The following DOCK2 variants were observed in gnomAD, a reference collection of about 807,000 sequenced individuals.
DOCK2 encodes dedicator of cytokinesis 2.
DOCK2 carries 87 observed loss-of-function variants against 248.9 expected under a neutral mutation model. That is an observed-to-expected ratio of 0.35 (90% CI 0.29 to 0.42). The LOEUF (loss-of-function observed/expected upper bound fraction) is 0.42, where lower values mean the gene tolerates loss of function less well. DOCK2 is among the 10% of genes least tolerant of loss of function. DOCK2 has a pLI of 1.00. For synonymous variants in DOCK2, 805 were observed against 821.6 expected (o/e 0.98, Z 0.35); for missense variants, 1,747 against 2,300.2 (o/e 0.76, Z 4.92).
At chr5:169,897,119 CT>C (rs1401725955) in intron 27 of DOCK2, among the ~76,000 whole-genome samples, 1 of 152,128 alleles carries the variant, frequency 6.6e-6, no homozygotes, top group African/African-American at 2.4e-5. Flanking sequence ...AAATTTTAGG[CT>C]TTCTCTATGA....
At chr5:169,859,324 T>A (rs1771052681) in intron 27 of DOCK2, among the ~76,000 whole-genome samples, 2 of 152,108 alleles carry the variant, frequency 1.3e-5, no homozygotes, top group South Asian at 4.1e-4. Context: ...GGCTGTAAAT[T>A]GGTGAAAAGA....
At chr5:169,827,669 G>A (rs759885858) in intron 26 of DOCK2, among the ~76,000 whole-genome samples, 14 of 152,094 alleles carry the variant, frequency 9.2e-5, no homozygotes, top group South Asian at 2.1e-4. Context: ...ATCGGAATTC[G>A]GAATAAATCA....
At chr5:169,738,695 C>T (rs1390434209) in intron 22 of DOCK2, among the ~76,000 whole-genome samples, 1 of 152,146 alleles carries the variant, frequency 6.6e-6, no homozygotes, top group Non-Finnish European at 1.5e-5. Context: ...CGTGTTATTG[C>T]TGAACGTAAG....
In DOCK2 at chr5:169,754,248, C is replaced by T. The variant is rs147659821; in HGVS notation, c.2377-5457C>T. Among the ~76,000 whole-genome samples, 305 of 152,262 alleles carry T rather than the reference C, an allele frequency of 2.0e-3. 1 individual carries two copies. The highest frequency in any genetic ancestry group is 6.9e-3 in the African/African-American group (288 of 41,556). On this transcript the variant is annotated intron_variant, in intron 23 of 51. Coordinates refer to ENST00000520908, the MANE Select transcript of DOCK2 (RefSeq NM_004946.3). ...TTTTGTTGTTATGTTTAAACACTTG[C>T]CGTTTTCTAATTCTGGTGAAGTCCA... is the stretch of plus-strand genomic sequence containing the variant.
At chr5:169,933,146 A>G (rs1315039729) in intron 27 of DOCK2, among the ~76,000 whole-genome samples, 1 of 152,250 alleles carries the variant, frequency 6.6e-6, no homozygotes, top group Non-Finnish European at 1.5e-5. Flanking sequence ...AGAAGGGTGT[A>G]GAAACTAAAT....
intron 9 of DOCK2, among the ~76,000 whole-genome samples, chr5:169,693,616 A>G (rs1760433289): frequency 6.6e-6 from 1 of 152,262 alleles, no homozygotes; most frequent in East Asian, 1.9e-4. Context: ...TGGGATCTCA[A>G]ATTCAAATGC....
At chr5:170,064,416 A>G (rs1446994308) in intron 44 of DOCK2, among the ~76,000 whole-genome samples, 5 of 152,048 alleles carry the variant, frequency 3.3e-5, no homozygotes, top group African/African-American at 1.2e-4. Context: ...GAGAAAGCAT[A>G]AAGTGTACCA....
At chr5:170,037,930 T>C (rs1318365760) in intron 36 of DOCK2, among the ~76,000 whole-genome samples, 1 of 152,218 alleles carries the variant, frequency 6.6e-6, no homozygotes, top group Non-Finnish European at 1.5e-5. Flanking sequence ...ACTTCAAGTC[T>C]ACGCTCACTC....
chr5:169,974,152 G>A (rs903567029), intron 27 of DOCK2, among the ~76,000 whole-genome samples: 2 of 152,088 alleles, frequency 1.3e-5, no homozygotes, highest in African/African-American at 4.8e-5. Flanking sequence ...AGCTGATCTA[G>A]GCAACCTATA....
At chr5:169,937,429 G>A (rs1044420833) in intron 27 of DOCK2, among the ~76,000 whole-genome samples, 3 of 152,178 alleles carry the variant, frequency 2.0e-5, no homozygotes, top group African/African-American at 7.2e-5. Flanking sequence ...ATGATACAAA[G>A]ACTATCTCCT....
At chr5:170,062,128 TGAGA>T (rs1554129358) in intron 44 of DOCK2, among the ~76,000 whole-genome samples, 10 of 137,826 alleles carry the variant, frequency 7.3e-5, no homozygotes, top group Non-Finnish European at 9.3e-5. Flanking sequence ...TGTGTGTGTG[TGAGA>T]GAGAGAGAGA....
intron 22 of DOCK2, among the ~76,000 whole-genome samples, chr5:169,731,484 A>G (rs979999354): frequency 2.0e-5 from 3 of 152,170 alleles, no homozygotes; most frequent in African/African-American, 7.2e-5. Context: ...AGGCTTCCCC[A>G]GACACATGGA....
chr5:169,896,858 G>A (rs1040561961), intron 27 of DOCK2, among the ~76,000 whole-genome samples: 1 of 151,586 alleles, frequency 6.6e-6, no homozygotes, highest in Non-Finnish European at 1.5e-5. Context: ...AGAACTAAAA[G>A]CAATTAGTAG....
intron 27 of DOCK2, among the ~76,000 whole-genome samples, chr5:169,956,039 GAA>G (rs577395351): frequency 3.8e-5 from 5 of 132,860 alleles, no homozygotes; most frequent in African/African-American, 5.5e-5. Flanking sequence ...ACATAGATTT[GAA>G]AAAAAAAAAA....
intron 21 of DOCK2, among the ~76,000 whole-genome samples, chr5:169,717,789 T>C (rs372615296): frequency 6.6e-6 from 1 of 152,120 alleles, no homozygotes; most frequent in Non-Finnish European, 1.5e-5. Context: ...AGACCAGGTG[T>C]GGTGGCTCAC....
In DOCK2 at chr5:169,935,354, C is replaced by T. The variant is rs1775938400; in HGVS notation, c.2800-47714C>T. On this transcript the variant is annotated intron_variant, in intron 27 of 51. Transcript: ENST00000520908. ...AGGGAAACTGAATCTCACTTGCGCC[C>T]TTCTGCTCCCATGGAACCATCGCAG... Among the ~76,000 whole-genome samples, 3 of 152,020 alleles carry T rather than the reference C, an allele frequency of 2.0e-5. No homozygotes were observed. In the South Asian group the frequency reaches 6.2e-4, roughly 32 times the overall value.
chr5:169,900,639 T>C (rs2113576908), intron 27 of DOCK2, among the ~76,000 whole-genome samples: 1 of 152,326 alleles, frequency 6.6e-6, no homozygotes, highest in South Asian at 2.1e-4. Flanking sequence ...CTACTTCTAA[T>C]TAGAAGCTTC....
intron 27 of DOCK2, among the ~76,000 whole-genome samples, chr5:169,954,208 G>A (rs1438600470): frequency 2.6e-5 from 4 of 152,220 alleles, no homozygotes; most frequent in Admixed American, 1.3e-4. Context: ...GTGTTTGGCT[G>A]TGACTAACTC....
At chr5:169,829,677 G>T (rs1041173010) in intron 26 of DOCK2, among the ~76,000 whole-genome samples, 6 of 152,132 alleles carry the variant, frequency 3.9e-5, no homozygotes, top group South Asian at 4.1e-4. Flanking sequence ...TGAAATAATT[G>T]CTTAAGTATT....
Sources: allele counts gnomAD v4.1 joint callset (sites outside exome capture counted in the v4.1 genomes callset), GRCh38; gene constraint gnomAD v4.1.1; transcripts MANE v1.5; gene names NCBI Gene and HGNC (gene_info 2026-07-23, HGNC 2026-07-21).